The following ACTR3B variants were observed in gnomAD, a reference collection of about 807,000 sequenced individuals.
ACTR3B encodes the protein actin related protein 3B, also known as actin-related protein 3B.
In ACTR3B, 8 loss-of-function variants were observed where a neutral mutation model predicts 59.0. The ratio of observed to expected loss-of-function variants is 0.14; its 90% CI spans 0.08 to 0.24. The LOEUF is 0.24. Ranked by LOEUF, ACTR3B falls within the 10% of genes least tolerant of loss-of-function variation. The pLI, the probability that ACTR3B is intolerant of heterozygous loss-of-function variation, is 1.00. For missense variants in ACTR3B, 245 were observed against 552.3 expected, an observed-to-expected ratio of 0.44 and a Z score of 5.58; for synonymous variants, 148 against 197.9, an observed-to-expected ratio of 0.75 and a Z score of 2.12.
chr7:152,806,768 G>T (rs1305959298), intron 4 of ACTR3B, among the ~76,000 whole-genome samples: 1 of 152,132 alleles, frequency 6.6e-6, no homozygotes, highest in African/African-American at 2.4e-5. Context: ...TACTTACTTA[G>T]TCATCCCTGT....
At chr7:152,788,673 C>G (rs1405714294) in intron 2 of ACTR3B, among the ~76,000 whole-genome samples, 1 of 151,872 alleles carries the variant, frequency 6.6e-6, no homozygotes, top group African/African-American at 2.4e-5. Flanking sequence ...AGCTTCCCAG[C>G]GTGCTGGGAT....
intron 5 of ACTR3B, among the ~76,000 whole-genome samples, 168 bp downstream of exon 5, chr7:152,814,813 ACTTTT>A (rs1404704410): frequency 6.6e-6 from 1 of 151,888 alleles, no homozygotes; most frequent in East Asian, 1.9e-4. Flanking sequence ...GTGTCCCATG[ACTTTT>A]CTTTTTATTT....
At chr7:152,798,481 T>G (rs2098224822) in intron 2 of ACTR3B, among the ~76,000 whole-genome samples, 1 of 152,216 alleles carries the variant, frequency 6.6e-6, no homozygotes, top group Admixed American at 6.5e-5. Context: ...TTCTATAGAT[T>G]GTCTCTTCAC....
At chr7:152,775,817 T>A (rs1045971942) in intron 1 of ACTR3B, among the ~76,000 whole-genome samples, 13 of 152,044 alleles carry the variant, frequency 8.6e-5, no homozygotes, top group Non-Finnish European at 1.8e-4. Flanking sequence ...AGAGAAGCAT[T>A]GGAAAGATAC....
At chr7:152,828,052 G>A (rs1385783453) in intron 9 of ACTR3B, among the ~76,000 whole-genome samples, 1 of 151,740 alleles carries the variant, frequency 6.6e-6, no homozygotes, top group Non-Finnish European at 1.5e-5. Flanking sequence ...ACGACTAGGA[G>A]TGGCTGGGTT....
At position 152,824,925 on chromosome 7, in the gene ACTR3B, G is replaced by A; in HGVS notation, c.859-105G>A. The A allele has an allele frequency of 1.6e-6, 2 of 1,242,066 alleles. No homozygotes were observed. Among genetic ancestry groups the A allele is most frequent in the Admixed American group, 2.7e-5 (1 of 36,458 alleles). 76.9% of individuals were successfully genotyped at this position (1,242,066 alleles called of 1,614,324 possible). On this transcript the variant is annotated intron_variant, in intron 8 of 11. Transcript: ENST00000256001. This position sits in a 1 kb window ranked among gnomAD's most constrained non-coding sequence, Gnocchi z 4.2. ...TTCATTCCAATGTGAATTCTTTTAA[G>A]TTATAATAAATTGTATATTTGTTAA...
At chr7:152,801,914 ACCAAACAGGAAGCCCAAGTGAGGCAGCT>A (rs1341115785) in intron 4 of ACTR3B, among the ~76,000 whole-genome samples, 183 bp downstream of exon 4, 6 of 148,984 alleles carry the variant, frequency 4.0e-5, no homozygotes, top group Non-Finnish European at 8.9e-5. Flanking sequence ...TTGTTAGCTC[ACCAAACAGGAAGCCCAAGTGAGGCAGCT>A]CTAGGGCTGT....
At chr7:152,771,788 A>G (rs1011262873) in intron 1 of ACTR3B, among the ~76,000 whole-genome samples, 2 of 152,206 alleles carry the variant, frequency 1.3e-5, no homozygotes, top group African/African-American at 4.8e-5. Flanking sequence ...TAAAACCTGA[A>G]AGATAGGCCG....
chr7:152,807,602 G>C (rs1215621762), intron 4 of ACTR3B, among the ~76,000 whole-genome samples: 1 of 152,210 alleles, frequency 6.6e-6, no homozygotes, highest in Non-Finnish European at 1.5e-5. Flanking sequence ...TGCCATTTCA[G>C]ACTGCTGTCA....
intron 4 of ACTR3B, chr7:152,813,720 G>A (rs1052971596): frequency 3.1e-4 from 45 of 147,124 alleles, no homozygotes; most frequent in African/African-American, 1.0e-3. Context: ...ATAGAGGTGG[G>A]GTCTCCCAAT....
chr7:152,849,770 G>A (rs1164000769), intron 9 of ACTR3B, among the ~76,000 whole-genome samples: 2 of 152,276 alleles, frequency 1.3e-5, no homozygotes, highest in African/African-American at 4.8e-5. Context: ...CATGTTACAT[G>A]ATTTATCTAA....
chr7:152,762,788 G>A (rs1162730109), intron 1 of ACTR3B, among the ~76,000 whole-genome samples: 1 of 152,086 alleles, frequency 6.6e-6, no homozygotes, highest in Non-Finnish European at 1.5e-5. Context: ...TGTCTTTCAA[G>A]ATGTTGGCAT....
At chr7:152,827,533 C>T (rs2689575) in intron 9 of ACTR3B, among the ~76,000 whole-genome samples, 6,344 of 148,270 alleles carry the variant, frequency 0.043, 218 homozygotes, top group Middle Eastern at 0.1. Context: ...TCTCAGTGTT[C>T]AGCAGCAAAG....
At chr7:152,795,018 A>T (rs1442407429) in intron 2 of ACTR3B, among the ~76,000 whole-genome samples, 1 of 148,334 alleles carries the variant, frequency 6.7e-6, no homozygotes, top group African/African-American at 2.5e-5. Context: ...TCTGAGAAAA[A>T]GGCTTCAGTT....
intron 9 of ACTR3B, 40 bp downstream of exon 9, chr7:152,825,162 C>T: frequency 6.3e-7 from 1 of 1,589,300 alleles, no homozygotes; most frequent in Non-Finnish European, 8.6e-7. Context: ...TTTCATTCCA[C>T]AATTAAAGGC....
At chr7:152,780,096 G>A (rs1200784565) in intron 1 of ACTR3B, among the ~76,000 whole-genome samples, 1 of 152,180 alleles carries the variant, frequency 6.6e-6, no homozygotes, top group East Asian at 1.9e-4. Context: ...GCTCACGCCT[G>A]TAACCCAGCA....
intron 1 of ACTR3B, among the ~76,000 whole-genome samples, chr7:152,782,900 T>C (rs565984053): frequency 6.6e-6 from 1 of 152,344 alleles, no homozygotes; most frequent in South Asian, 2.1e-4. Flanking sequence ...AAAAGCACTT[T>C]TAAAGTTATT....
chr7:152,781,211 T>TTTTTTTTC (rs2098152454), intron 1 of ACTR3B, among the ~76,000 whole-genome samples: 1 of 150,544 alleles, frequency 6.6e-6, no homozygotes, highest in Non-Finnish European at 1.5e-5. Context: ...TTTTTTTTTT[T>TTTTTTTTC]TTTTTCTGAA....
intron 4 of ACTR3B, chr7:152,812,019 C>CTGTTTTTTTT (rs1795287683): frequency 4.3e-5 from 1 of 23,356 alleles, no homozygotes; most frequent in Non-Finnish European, 9.4e-5. Context: ...AAATAAAAGT[C>CTGTTTTTTTT]TTTTTTTTTT....
Sources: gnomAD v4.1 joint callset for allele counts (sites outside exome capture counted in the v4.1 genomes callset) on GRCh38, gnomAD v4.1.1 for gene constraint, Gnocchi (gnomAD v3.1) non-coding constraint, MANE v1.5 for transcripts, NCBI Gene and HGNC (gene_info 2026-07-23, HGNC 2026-07-21) for gene names.